Variants in ACTN1 observed in about 807,000 individuals in gnomAD.
ACTN1 encodes alpha-actinin-1.
Under a neutral mutation model 119.6 loss-of-function variants are expected in ACTN1, and 30 were observed. The ratio of observed to expected loss-of-function variants is 0.25; its 90% CI spans 0.19 to 0.34. The LOEUF (loss-of-function observed/expected upper bound fraction) is 0.34. Among genes scored for constraint, ACTN1 ranks in the 10% least tolerant of loss-of-function variants. The probability of loss-of-function intolerance (pLI) is 1.00; values close to 1 mark genes in which losing one functional copy is unlikely to be tolerated. For synonymous variants in ACTN1, 429 were observed against 472.6 expected, an observed-to-expected ratio of 0.91 and a Z score of 1.20; for missense variants, 764 against 1,223.4, an observed-to-expected ratio of 0.62 and a Z score of 5.60.
At chr14:68,962,568 C>T (rs1258170536) in intron 1 of ACTN1, among the ~76,000 whole-genome samples, 1 of 152,214 alleles carries the variant, frequency 6.6e-6, no homozygotes, top group Non-Finnish European at 1.5e-5. Context: ...TGCTTCCAAC[C>T]TGAGACTACT....
chr14:68,950,462 G>GTGTGTATATATGTGTATA, intron 1 of ACTN1, among the ~76,000 whole-genome samples: 10 of 125,918 alleles, frequency 7.9e-5, no homozygotes, highest in African/African-American at 3.7e-4. Context: ...ATGCGTGTGT[G>GTGTGTATATATGTGTATA]TATATATATA....
chr14:68,907,828 G>A (rs1407896878), intron 6 of ACTN1, among the ~76,000 whole-genome samples: 1 of 151,990 alleles, frequency 6.6e-6, no homozygotes, highest in Non-Finnish European at 1.5e-5. Context: ...TGGATGAACT[G>A]GCCACTGACA....
At chr14:68,902,669 A>C in intron 7 of ACTN1, 107 bp from the exon 8 acceptor site, 1 of 902,408 alleles carries the variant, frequency 1.1e-6, no homozygotes, top group Non-Finnish European at 1.8e-6. Context: ...TCTTGCCAAA[A>C]TGTGGAGCCC....
At chr14:68,906,076 G>T (rs1193443059) in intron 6 of ACTN1, among the ~76,000 whole-genome samples, 1 of 151,804 alleles carries the variant, frequency 6.6e-6, no homozygotes, top group Non-Finnish European at 1.5e-5. Flanking sequence ...AGGCCGGGGG[G>T]GCAGGAAAGA....
intron 9 of ACTN1, 121 bp from the exon 10 acceptor site, chr14:68,892,404 A>C: frequency 1.0e-6 from 1 of 972,704 alleles, no homozygotes; most frequent in African/African-American, 1.6e-5. Flanking sequence ...CTAATAGCAC[A>C]CTCCTTCCCA....
intron 2 of ACTN1, among the ~76,000 whole-genome samples, chr14:68,924,502 T>C (rs907171017): frequency 1.3e-5 from 2 of 152,246 alleles, no homozygotes; most frequent in African/African-American, 4.8e-5. Flanking sequence ...TGCCAGCTCA[T>C]GCAGGATTCC....
intron 11 of ACTN1, among the ~76,000 whole-genome samples, chr14:68,889,398 T>C (rs890486880): frequency 6.6e-6 from 1 of 152,260 alleles, no homozygotes; most frequent in African/African-American, 2.4e-5. Flanking sequence ...ATGAGGAGAC[T>C]GAATTAGGTT....
intron 11 of ACTN1, chr14:68,887,989 C>T (rs1319333439): frequency 3.9e-6 from 3 of 764,988 alleles, no homozygotes; most frequent in African/African-American, 1.7e-5. Flanking sequence ...GCTTCGCTTC[C>T]ACTTTTGCAG....
intron 1 of ACTN1, among the ~76,000 whole-genome samples, chr14:68,931,844 G>A (rs1159718795): frequency 1.3e-5 from 2 of 152,126 alleles, no homozygotes; most frequent in Non-Finnish European, 2.9e-5. Context: ...ACCACAAGCT[G>A]GCTGTACAGT....
Position 68,885,322 on chromosome 14 carries a change from CACCCT to C in ACTN1, c.1385+98_1385+102del. ...CCCCACCTGGGCACCCACCTGTACC[CACCCT>C]CCCCATCTTCCACGGCCACACCCCC... On this transcript the variant is annotated intron_variant, in intron 12 of 21. Transcript: ENST00000394419. This position sits in a 1 kb window ranked among gnomAD's most constrained non-coding sequence, Gnocchi z 5.6. 3 of 1,413,742 alleles carry C rather than the reference CACCCT, an allele frequency of 2.1e-6. No individual in the cohort carries two copies. The highest frequency in any genetic ancestry group is 1.9e-6 in the Non-Finnish European group (2 of 1,066,180). 87.6% of individuals were successfully genotyped at this position (1,413,742 alleles called of 1,614,324 possible). A position where few individuals can be genotyped will look rare whatever the true frequency, so the allele number is the denominator to read the frequency against.
chr14:68,978,385 C>A, intron 1 of ACTN1: 1 of 376,670 alleles, frequency 2.7e-6, no homozygotes, highest in South Asian at 1.9e-5. Flanking sequence ...CAGCCGCACT[C>A]CAGCTGGTCC....
intron 1 of ACTN1, among the ~76,000 whole-genome samples, chr14:68,941,773 C>T (rs576800232): frequency 2.0e-5 from 3 of 152,264 alleles, no homozygotes; most frequent in African/African-American, 7.2e-5. Context: ...GTCTACTAAA[C>T]GGTCCCAGGT....
intron 3 of ACTN1, among the ~76,000 whole-genome samples, chr14:68,919,368 C>G (rs1444866928): frequency 6.6e-6 from 1 of 152,244 alleles, no homozygotes; most frequent in African/African-American, 2.4e-5. Flanking sequence ...GCATCCGAGC[C>G]TGCACTAACC....
chr14:68,920,498 G>GT (rs1474172114), intron 3 of ACTN1, among the ~76,000 whole-genome samples: 1 of 152,120 alleles, frequency 6.6e-6, no homozygotes, highest in Non-Finnish European at 1.5e-5. Flanking sequence ...AGCTTTTTTG[G>GT]TAAGTGTTTC....
chr14:68,935,387 ATTTTTTTTTTTTT>A (rs560204692), intron 1 of ACTN1, among the ~76,000 whole-genome samples: 2 of 56,396 alleles, frequency 3.5e-5, no homozygotes, highest in Non-Finnish European at 6.0e-5. Flanking sequence ...CTCTCTGTTC[ATTTTTTTTTTTTT>A]TTTTTTTTTT....
intron 7 of ACTN1, among the ~76,000 whole-genome samples, chr14:68,903,660 G>A (rs2033487500): frequency 6.6e-6 from 1 of 152,172 alleles, no homozygotes; most frequent in Admixed American, 6.5e-5. Flanking sequence ...GGGCCAAGGA[G>A]AGCACACAGG....
intron 1 of ACTN1, among the ~76,000 whole-genome samples, chr14:68,944,433 T>C (rs2035863941): frequency 6.6e-6 from 1 of 152,206 alleles, no homozygotes; most frequent in Non-Finnish European, 1.5e-5. Flanking sequence ...CATTCATTCC[T>C]TCCTTCCATA....
intron 16 of ACTN1, 199 bp from the exon 17 acceptor site, chr14:68,881,188 T>C: frequency 1.8e-6 from 1 of 558,312 alleles, no homozygotes; most frequent in South Asian, 2.4e-5. Flanking sequence ...ACCACAGAGG[T>C]ATATAACAAG....
chr14:68,978,052 C>A (rs1387704242), intron 1 of ACTN1: 1 of 456,052 alleles, frequency 2.2e-6, no homozygotes, highest in Admixed American at 2.3e-5. Context: ...CGGGTCCCAT[C>A]GCCAGCTCCG....
Sources: allele counts gnomAD v4.1 joint callset (sites outside exome capture counted in the v4.1 genomes callset), GRCh38; gene constraint gnomAD v4.1.1; non-coding constraint Gnocchi (gnomAD v3.1); transcripts MANE v1.5; gene names NCBI Gene and HGNC (gene_info 2026-07-23, HGNC 2026-07-21).